The following STXBP5L variants were observed in gnomAD, a reference collection of about 807,000 sequenced individuals.
The protein encoded by STXBP5L is syntaxin-binding protein 5-like.
In STXBP5L, 65 loss-of-function variants were observed where a neutral mutation model predicts 144.5. That is an observed-to-expected ratio of 0.45 (90% CI 0.37 to 0.55). The LOEUF (loss-of-function observed/expected upper bound fraction) is 0.55. Among genes scored for constraint, STXBP5L ranks in the 20% least tolerant of loss-of-function variants. The pLI, the probability that STXBP5L is intolerant of heterozygous loss-of-function variation, is 0.00. For missense variants in STXBP5L, 1,298 were observed against 1,405.5 expected (o/e 0.92, Z 1.22); for synonymous variants, 505 against 469.6 (o/e 1.08, Z -0.97).
At chr3:121,196,419 A>T (rs375484417) in intron 9 of STXBP5L, among the ~76,000 whole-genome samples, 4 of 151,994 alleles carry the variant, frequency 2.6e-5, no homozygotes, top group African/African-American at 9.7e-5. Flanking sequence ...GATTACAGGC[A>T]TGAGCCACCG....
intron 3 of STXBP5L, among the ~76,000 whole-genome samples, chr3:120,993,409 C>T (rs1404756344): frequency 1.3e-5 from 2 of 151,910 alleles, no homozygotes; most frequent in East Asian, 3.9e-4. Context: ...CAGTGTTTCC[C>T]CTATGTTTTC....
chr3:121,210,895 G>C (rs2048536420), intron 10 of STXBP5L, among the ~76,000 whole-genome samples: 1 of 152,152 alleles, frequency 6.6e-6, no homozygotes, highest in Non-Finnish European at 1.5e-5. Flanking sequence ...TTTGGCTTAG[G>C]ATTGTCTTGG....
chr3:120,975,650 T>G (rs896750957), intron 3 of STXBP5L, among the ~76,000 whole-genome samples: 12 of 152,208 alleles, frequency 7.9e-5, no homozygotes, highest in African/African-American at 2.9e-4. Flanking sequence ...TTCCAGTTTT[T>G]GCCCATTCAG....
At chr3:121,349,634 G>C (rs1230297495) in intron 20 of STXBP5L, among the ~76,000 whole-genome samples, 1 of 151,960 alleles carries the variant, frequency 6.6e-6, no homozygotes, top group Non-Finnish European at 1.5e-5. Flanking sequence ...TATGAATCTG[G>C]GTACCCCTGT....
At chr3:121,225,120 G>T (rs1344032327) in intron 11 of STXBP5L, among the ~76,000 whole-genome samples, 1 of 152,060 alleles carries the variant, frequency 6.6e-6, no homozygotes, top group East Asian at 1.9e-4. Context: ...TAACTCTATT[G>T]ACAGTGCCGG....
intron 3 of STXBP5L, among the ~76,000 whole-genome samples, chr3:120,978,852 A>G (rs1013144539): frequency 1.3e-5 from 2 of 152,156 alleles, no homozygotes; most frequent in Admixed American, 1.3e-4. Context: ...GTGGCTGCAG[A>G]ACAGCAGATT....
intron 3 of STXBP5L, among the ~76,000 whole-genome samples, chr3:121,005,880 C>T (rs4306806): frequency 0.38 from 56,991 of 151,952 alleles, 10,888 homozygotes; most frequent in Non-Finnish European, 0.4. Context: ...GTTTCTTAAT[C>T]CTGACTTCTA....
chr3:121,352,489 G>A (rs1463533946), intron 20 of STXBP5L, among the ~76,000 whole-genome samples: 1 of 152,004 alleles, frequency 6.6e-6, no homozygotes, highest in Non-Finnish European at 1.5e-5. Context: ...CTGTTTGTCT[G>A]TTATTGCTGT....
At chr3:121,216,560 C>G (rs141796414) in intron 10 of STXBP5L, among the ~76,000 whole-genome samples, 1 of 152,172 alleles carries the variant, frequency 6.6e-6, no homozygotes, top group East Asian at 1.9e-4. Flanking sequence ...CTGGAAGCTT[C>G]GTCTTAGAGG....
intron 10 of STXBP5L, among the ~76,000 whole-genome samples, chr3:121,210,143 G>A (rs533515912): frequency 3.9e-5 from 6 of 152,074 alleles, no homozygotes; most frequent in East Asian, 1.9e-4. Flanking sequence ...GTGTGAGATG[G>A]TATCTCATTG....
chr3:120,975,938 C>T (rs1287490702), intron 3 of STXBP5L, among the ~76,000 whole-genome samples: 2 of 152,014 alleles, frequency 1.3e-5, no homozygotes, highest in Non-Finnish European at 2.9e-5. Context: ...CTGCTGGATT[C>T]TGTTTGCCAG....
At position 121,283,895 on chromosome 3, in the gene STXBP5L, TTGTGTG is replaced by T. The variant is rs59432986; in HGVS notation, c.2110+3967_2110+3972del. 9.5e-5 allele frequency among the ~76,000 whole-genome samples: 11 copies of T among 116,166 alleles called. No homozygotes were observed. In the Admixed American group the frequency reaches 1.0e-3, roughly 11 times the overall value. 76.2% of individuals were successfully genotyped at this position (116,166 alleles called of 152,430 possible). A position where few individuals can be genotyped will look rare whatever the true frequency, so the allele number is the denominator to read the frequency against. Reference sequence around the variant, plus strand: ...GGATCTCCTACATTTGTGTGTGTGCTTGTGTGTGTGTGTGTGTGTGTGTGTGTGTGT... The same window carrying T: ...GGATCTCCTACATTTGTGTGTGTGCTTGTGTGTGTGTGTGTGTGTGTGTGT... On this transcript the variant is annotated intron_variant, in intron 19 of 26. Transcript: ENST00000471454.
intron 9 of STXBP5L, among the ~76,000 whole-genome samples, chr3:121,183,391 A>C (rs1350466152): frequency 6.6e-6 from 1 of 152,184 alleles, no homozygotes; most frequent in Non-Finnish European, 1.5e-5. Flanking sequence ...TACCTAGAAA[A>C]CCGTAAAGAC....
intron 3 of STXBP5L, among the ~76,000 whole-genome samples, chr3:121,014,602 C>T (rs1445887688): frequency 6.7e-6 from 1 of 148,540 alleles, no homozygotes; most frequent in African/African-American, 2.5e-5. Context: ...ATTATGAATA[C>T]CAAACATTAG....
Position 121,239,043 on chromosome 3 carries a change from A to C in STXBP5L, c.1257A>C (p.Ala419=), listed in dbSNP as rs1157221788. 1 of 1,610,018 alleles carries C rather than the reference A, an allele frequency of 6.2e-7. No homozygotes were observed. Among genetic ancestry groups the C allele is most frequent in the Non-Finnish European group, 8.5e-7 (1 of 1,178,120 alleles). The change falls in exon 13 of 27, where the codon GCA becomes GCC. Residue 419 remains alanine, a synonymous_variant. Coordinates refer to ENST00000471454, the MANE Select transcript of STXBP5L (RefSeq NM_001308330.2). The part of the protein sequence containing the change: ...ESPVTCTAYF[A]DCPPDLILVL... ...CAGTTACATGCACAGCATACTTTGC[A>C]GATTGTCCTCCGGATTTGATTCTAG...
chr3:120,931,338 G>C (rs1449473583), intron 2 of STXBP5L, among the ~76,000 whole-genome samples: 1 of 152,288 alleles, frequency 6.6e-6, no homozygotes, highest in East Asian at 1.9e-4. Flanking sequence ...TGGATAAGGG[G>C]AGCCTTTAGC....
chr3:121,298,482 G>A (rs760419743), intron 19 of STXBP5L, among the ~76,000 whole-genome samples: 11 of 152,104 alleles, frequency 7.2e-5, no homozygotes, highest in South Asian at 2.1e-4. Flanking sequence ...AAGTGATACC[G>A]CATCAAACTA....
At chr3:121,025,339 GAAATACTAT>G (rs1373159395) in intron 3 of STXBP5L, among the ~76,000 whole-genome samples, 1 of 152,056 alleles carries the variant, frequency 6.6e-6, no homozygotes, top group African/African-American at 2.4e-5. Flanking sequence ...GGGATAGCAA[GAAATACTAT>G]TGCTTATAAC....
At chr3:121,308,948 A>G (rs958656464) in intron 19 of STXBP5L, among the ~76,000 whole-genome samples, 1 of 152,150 alleles carries the variant, frequency 6.6e-6, no homozygotes, top group African/African-American at 2.4e-5. Flanking sequence ...CTCTGATTGG[A>G]TATATACAGT....
Sources: gnomAD v4.1 joint callset for allele counts (sites outside exome capture counted in the v4.1 genomes callset) on GRCh38, gnomAD v4.1.1 for gene constraint, MANE v1.5 for transcripts, NCBI Gene and HGNC (gene_info 2026-07-23, HGNC 2026-07-21) for gene names.